Variants in GARRE1 observed in about 807,000 individuals in gnomAD.
GARRE1 encodes the protein granule associated Rac and RHOG effector protein 1.
A neutral mutation model predicts 103.2 loss-of-function variants in GARRE1; 49 were observed. That is an observed-to-expected ratio of 0.47 (90% CI 0.38 to 0.60). GARRE1 has a LOEUF of 0.60. Ranked by LOEUF, GARRE1 falls within the 20% of genes least tolerant of loss-of-function variation. GARRE1 has a pLI of 0.00. For synonymous variants in GARRE1, 505 were observed against 532.8 expected (o/e 0.95, Z 0.72); for missense variants, 1,199 against 1,370.5 (o/e 0.87, Z 1.98).
intron 1 of GARRE1, among the ~76,000 whole-genome samples, chr19:34,255,415 A>G (rs1008096525): frequency 1.3e-5 from 2 of 152,222 alleles, no homozygotes; most frequent in Non-Finnish European, 2.9e-5. Flanking sequence ...CCCCATTATA[A>G]AAGCAGTTAA....
At chr19:34,352,358 T>C (rs451064) in intron 13 of GARRE1, among the ~76,000 whole-genome samples, 77,911 of 147,316 alleles carry the variant, frequency 0.53, 23,637 homozygotes, top group African/African-American at 0.83. Flanking sequence ...GCCGAGATCG[T>C]ACCACTGCAC....
chr19:34,261,439 T>C (rs2073718150), intron 1 of GARRE1, among the ~76,000 whole-genome samples: 1 of 151,816 alleles, frequency 6.6e-6, no homozygotes, highest in Admixed American at 6.6e-5. Context: ...AAATAATTAA[T>C]CCCCATGGAA....
intron 1 of GARRE1, among the ~76,000 whole-genome samples, chr19:34,275,885 T>G (rs1309460920): frequency 6.6e-6 from 1 of 152,170 alleles, no homozygotes; most frequent in Non-Finnish European, 1.5e-5. Context: ...TTGTCAACAC[T>G]TGTTATTGTC....
At chr19:34,341,390 T>C in intron 9 of GARRE1, 32 bp from the exon 10 acceptor site, 2 of 1,560,062 alleles carry the variant, frequency 1.3e-6, no homozygotes, top group Non-Finnish European at 1.7e-6. Flanking sequence ...TATTTGTCTT[T>C]TTTTTTTTTA....
chr19:34,341,469 G>A lies in GARRE1; in HGVS notation c.1535G>A (p.Cys512Tyr). Reference sequence around the variant, plus strand: ...CAGATCCAGCTGCAAAGGGAGATCTGTGATTTTGGCAACCAGGCTGACCTG... The same window carrying A: ...CAGATCCAGCTGCAAAGGGAGATCTATGATTTTGGCAACCAGGCTGACCTG... ...CIQIQLQREI[C>Y]DFGNQADLPS... Residue 512 changes from cysteine to tyrosine, a missense_variant, in exon 10 of 14, where the codon TGT becomes TAT. Coordinates refer to ENST00000299505, the MANE Select transcript of GARRE1 (RefSeq NM_014686.5). The A allele has an allele frequency of 1.2e-6, 2 of 1,613,738 alleles. No individual in the cohort carries two copies. Among genetic ancestry groups the A allele is most frequent in the South Asian group, 1.1e-5 (1 of 91,056 alleles).
rs537268467 is a variant in GARRE1, at chr19:34,354,003, A to G, written c.*1048A>G. 20 of 152,788 alleles carry G rather than the reference A, an allele frequency of 1.3e-4. No individual in the cohort carries two copies. The South Asian group carries it at 3.9e-3, about 30-fold the overall frequency. The allele number at this position is 152,788 out of a possible 1,614,324, so 9.5% of individuals were successfully genotyped here. Reference sequence around the variant, plus strand: ...TCCTGTGGATTTAGGGATATTTTCCAGCCAGAATGGATCCAGAAGAATTGA... The same window carrying G: ...TCCTGTGGATTTAGGGATATTTTCCGGCCAGAATGGATCCAGAAGAATTGA... On this transcript the variant is annotated 3_prime_UTR_variant, in exon 14 of 14. Transcript: ENST00000299505.
At chr19:34,275,097 T>C (rs1413632344) in intron 1 of GARRE1, among the ~76,000 whole-genome samples, 1 of 151,908 alleles carries the variant, frequency 6.6e-6, no homozygotes, top group Admixed American at 6.6e-5. Context: ...TCCTGTAGTG[T>C]CTCCACATTA....
chr19:34,318,126 AG>A (rs1286304002), intron 2 of GARRE1, among the ~76,000 whole-genome samples: 1 of 152,154 alleles, frequency 6.6e-6, no homozygotes, highest in African/African-American at 2.4e-5. Context: ...TGATTTCCAC[AG>A]GGTGAGGAGG....
rs754317361 is a variant in GARRE1, at chr19:34,341,587, C to T, written c.1653C>T (p.Ser551=). The T allele has an allele frequency of 1.2e-6, 2 of 1,614,062 alleles. No homozygotes were observed. Among genetic ancestry groups the T allele is most frequent in the East Asian group, 2.2e-5 (1 of 44,898 alleles). Reference sequence around the variant, plus strand: ...TCACCAAGAAAGCTTCATGTACCAGCTCCAGCAGCAGCACAAATTATTCCA... The same window carrying T: ...TCACCAAGAAAGCTTCATGTACCAGTTCCAGCAGCAGCACAAATTATTCCA... ...SRFTKKASCT[S]SSSSTNYSIQ... Residue 551 remains serine, a synonymous_variant, in exon 10 of 14, where the codon AGC becomes AGT. Coordinates refer to ENST00000299505, the MANE Select transcript of GARRE1 (RefSeq NM_014686.5).
chr19:34,282,558 TG>T (rs1439097320), intron 1 of GARRE1, among the ~76,000 whole-genome samples: 4 of 152,250 alleles, frequency 2.6e-5, no homozygotes, highest in African/African-American at 9.6e-5. Context: ...TTCTGAGGTC[TG>T]ATCACCTTTT....
intron 1 of GARRE1, among the ~76,000 whole-genome samples, chr19:34,263,563 C>T (rs555928374): frequency 1.7e-4 from 26 of 151,590 alleles, no homozygotes; most frequent in African/African-American, 4.1e-4. Flanking sequence ...CTGCAACCTC[C>T]GCCTCCTGGG....
intron 1 of GARRE1, among the ~76,000 whole-genome samples, chr19:34,296,811 G>A (rs1010075141): frequency 4.6e-5 from 7 of 152,120 alleles, no homozygotes; most frequent in Middle Eastern, 3.4e-3. Context: ...TGATTTTAGG[G>A]CTTTGTTTTA....
At chr19:34,259,422 T>C (rs1210941506) in intron 1 of GARRE1, among the ~76,000 whole-genome samples, 2 of 152,226 alleles carry the variant, frequency 1.3e-5, no homozygotes, top group African/African-American at 4.8e-5. Flanking sequence ...TTGAGTTAGC[T>C]CACATTTATG....
At chr19:34,322,477 T>C (rs1215640313) in intron 3 of GARRE1, among the ~76,000 whole-genome samples, 1 of 150,944 alleles carries the variant, frequency 6.6e-6, no homozygotes, top group Non-Finnish European at 1.5e-5. Context: ...TGGCCATTAG[T>C]GACATTTCTT....
At chr19:34,325,855 G>C (rs992734302) in intron 3 of GARRE1, among the ~76,000 whole-genome samples, 3 of 152,020 alleles carry the variant, frequency 2.0e-5, no homozygotes, top group African/African-American at 7.2e-5. Context: ...TCACGGACCC[G>C]TCTGTAGGTC....
intron 6 of GARRE1, 45 bp from the exon 7 acceptor site, chr19:34,330,144 A>G (rs370582539): frequency 2.2e-5 from 34 of 1,559,876 alleles, no homozygotes; most frequent in Non-Finnish European, 2.9e-5. Flanking sequence ...AGAACCTTGC[A>G]TGGCTTTGTC....
chr19:34,277,897 T>A (rs2073826371), intron 1 of GARRE1, among the ~76,000 whole-genome samples: 1 of 22,160 alleles, frequency 4.5e-5, no homozygotes, highest in African/African-American at 1.4e-4. Context: ...AAATGCTTGA[T>A]TTCACCCCCC....
intron 6 of GARRE1, 143 bp from the exon 7 acceptor site, chr19:34,330,046 C>G: frequency 1.4e-6 from 1 of 732,756 alleles, no homozygotes. Flanking sequence ...GTTCGTGCCA[C>G]CGGACTGCAG....
At chr19:34,329,680 A>T (rs1408968519) in intron 6 of GARRE1, among the ~76,000 whole-genome samples, 1 of 152,082 alleles carries the variant, frequency 6.6e-6, no homozygotes, top group Non-Finnish European at 1.5e-5. Context: ...TACTAAAAAT[A>T]CAAAAATTAG....
Sources: allele counts gnomAD v4.1 joint callset (sites outside exome capture counted in the v4.1 genomes callset), GRCh38; gene constraint gnomAD v4.1.1; transcripts MANE v1.5; gene names NCBI Gene and HGNC (gene_info 2026-07-23, HGNC 2026-07-21).